ADAM9: variants seen among roughly 807,000 people sequenced by gnomAD.
ADAM9 encodes the protein disintegrin and metalloproteinase domain-containing protein 9.
Under a neutral mutation model 108.1 loss-of-function variants are expected in ADAM9, and 54 were observed. The ratio of observed to expected loss-of-function variants is 0.50; its 90% CI spans 0.40 to 0.63. ADAM9 has a LOEUF of 0.63. Ranked by LOEUF, ADAM9 falls within the 20% of genes least tolerant of loss-of-function variation. ADAM9 has a pLI of 0.00. For missense variants in ADAM9, 830 were observed against 997.7 expected, an observed-to-expected ratio of 0.83 and a Z score of 2.26; for synonymous variants, 316 against 336.0, an observed-to-expected ratio of 0.94 and a Z score of 0.65.
intron 11 of ADAM9, among the ~76,000 whole-genome samples, chr8:39,037,415 A>G: frequency 6.8e-6 from 1 of 146,532 alleles, no homozygotes. Flanking sequence ...ATATTTATGT[A>G]GTATATATAT....
rs571860350 is a variant in ADAM9, at chr8:39,093,084, C to A, written c.2298+1738C>A. Among the ~76,000 whole-genome samples, 35 of 152,184 alleles carry A rather than the reference C, an allele frequency of 2.3e-4. 1 individual carries two copies. The highest frequency in any genetic ancestry group is 5.0e-4 in the Non-Finnish European group (34 of 67,988). ...TTTGCTCAAGATTGGTTTAGTGATT[C>A]TGGGTCTTTTGTGGTTCCATATGAA... On this transcript the variant is annotated intron_variant, in intron 20 of 21. Coordinates refer to ENST00000487273, the MANE Select transcript of ADAM9 (RefSeq NM_003816.3).
intron 1 of ADAM9, among the ~76,000 whole-genome samples, chr8:38,999,169 C>G (rs1328897148): frequency 6.6e-6 from 1 of 152,094 alleles, no homozygotes; most frequent in Non-Finnish European, 1.5e-5. Context: ...AAAACGTGCA[C>G]TGAAACATTT....
chr8:39,105,093 TAC>T lies in ADAM9; in HGVS notation c.*1395_*1396del. 2.5e-6 allele frequency: 1 copy of T among 404,374 alleles called. No individual in the cohort carries two copies. The highest frequency in any genetic ancestry group is 4.7e-6 in the Non-Finnish European group (1 of 211,346). The allele number at this position is 404,374 out of a possible 1,614,324, so 25.0% of individuals were successfully genotyped here. A position where few individuals can be genotyped will look rare whatever the true frequency, so the allele number is the denominator to read the frequency against. On this transcript the variant is annotated 3_prime_UTR_variant, in exon 22 of 22. Transcript: ENST00000487273. Reference sequence around the variant, plus strand: ...TAGATAAAAATTCTAGTCAAATTTTTACAGATATTATCTCACTAATTTTCAGA... The same window carrying T: ...TAGATAAAAATTCTAGTCAAATTTTTAGATATTATCTCACTAATTTTCAGA...
intron 20 of ADAM9, among the ~76,000 whole-genome samples, chr8:39,096,334 T>A (rs1332625013): frequency 3.3e-5 from 5 of 151,908 alleles, no homozygotes; most frequent in East Asian, 1.9e-4. Context: ...GCATATTCTA[T>A]AGCACATATA....
At chr8:39,074,099 T>C (rs1169019853) in intron 15 of ADAM9, among the ~76,000 whole-genome samples, 1 of 152,206 alleles carries the variant, frequency 6.6e-6, no homozygotes, top group Non-Finnish European at 1.5e-5. Flanking sequence ...TCATCATCAC[T>C]ATTTTTGTTG....
chr8:39,025,810 G>A lies in ADAM9; in HGVS notation c.922G>A (p.Gly308Ser). 6.2e-7 allele frequency: 1 copy of A among 1,613,984 alleles called. No homozygotes were observed. Among genetic ancestry groups the A allele is most frequent in the Non-Finnish European group, 8.5e-7 (1 of 1,179,978 alleles). ...TTTTACATTTTCATTTAGAAAGAAA[G>A]GTTTTGGTGGAACTGCAGGAATGGC... ...HDSAQLVLKK[G>S]FGGTAGMAFV... The change falls in exon 10 of 22, where the codon GGT (glycine) becomes AGT (serine). Residue 308 changes from glycine (G) to serine (S), a missense_variant. Physicochemically the swap from Gly to Ser is moderately conservative, Grantham distance 56. This residue lies in a region of ADAM9 where 381 missense variants were observed against 539.8 expected (regional missense o/e 0.71). Transcript: ENST00000487273.
At chr8:38,999,011 T>C (rs1835916276) in intron 1 of ADAM9, among the ~76,000 whole-genome samples, 1 of 151,970 alleles carries the variant, frequency 6.6e-6, no homozygotes, top group African/African-American at 2.4e-5. Context: ...GGCAACACGG[T>C]GGAGGATAGA....
At chr8:39,095,782 C>A (rs888023651) in intron 20 of ADAM9, among the ~76,000 whole-genome samples, 5 of 152,092 alleles carry the variant, frequency 3.3e-5, no homozygotes, top group African/African-American at 4.8e-5. Context: ...TTAATATTCG[C>A]TTTATATATT....
At chr8:39,025,709 G>A in intron 9 of ADAM9, 94 bp from the exon 10 acceptor site, 2 of 1,207,240 alleles carry the variant, frequency 1.7e-6, no homozygotes, top group South Asian at 2.5e-5. Context: ...TGTTTTGTAG[G>A]TTCTCCCAAT....
In ADAM9 at chr8:39,055,029, G is replaced by A. The variant is rs553913361; in HGVS notation, c.1395+456G>A. On this transcript the variant is annotated intron_variant, in intron 13 of 21. Coordinates refer to ENST00000487273, the MANE Select transcript of ADAM9 (RefSeq NM_003816.3). ...CTGCTTTTTTCAATATGACACCATG[G>A]ACTTTTTTCCCATTCATGTAGTTCT... is the stretch of plus-strand genomic sequence containing the variant. Among the ~76,000 whole-genome samples, 3 of 152,076 alleles carry A rather than the reference G, an allele frequency of 2.0e-5. No individual in the cohort carries two copies. In the East Asian group the frequency reaches 5.8e-4, roughly 29 times the overall value.
At chr8:39,087,316 A>G (rs1039086094) in intron 18 of ADAM9, among the ~76,000 whole-genome samples, 4 of 151,938 alleles carry the variant, frequency 2.6e-5, no homozygotes, top group East Asian at 3.9e-4. Flanking sequence ...GTTGTTTCAT[A>G]TATTATGTCT....
In ADAM9 at chr8:39,101,922, C is replaced by A. The variant is rs753410333; in HGVS notation, c.2358C>A (p.Phe786Leu). Residue 786 changes from phenylalanine (F) to leucine (L), a missense_variant, in exon 21 of 22, where the codon TTC (phenylalanine) becomes TTA (leucine). Phe to Leu is a conservative substitution (Grantham distance 22). Coordinates refer to ENST00000487273, the MANE Select transcript of ADAM9 (RefSeq NM_003816.3). Reference protein sequence around the residue: ...PTYAAKQPQQFPSRPPPPQPK... With the variant: ...PTYAAKQPQQLPSRPPPPQPK... ...ATGCAGCCAAGCAACCTCAGCAGTT[C>A]CCATCAAGGTCAGAAGAAAATTTGC... 4.3e-6 allele frequency: 7 copies of A among 1,613,288 alleles called. No homozygotes were observed. Among genetic ancestry groups the A allele is most frequent in the Non-Finnish European group, 5.9e-6 (7 of 1,179,522 alleles).
rs115666061 is a variant in ADAM9, at chr8:39,024,111, C to T, written c.914+786C>T. 8.9e-3 allele frequency among the ~76,000 whole-genome samples: 1,362 copies of T among 152,194 alleles called. 15 individuals carry two copies. The highest frequency in any genetic ancestry group is 0.031 in the African/African-American group (1,284 of 41,526). On this transcript the variant is annotated intron_variant, in intron 9 of 21. Transcript: ENST00000487273. ...TGCTCTTTTGTCTTTTTTGTCCCAG[C>T]ATTACTATTGGGAAGTCTGAAACAT...
intron 1 of ADAM9, among the ~76,000 whole-genome samples, chr8:38,997,611 TGA>T (rs1251042111): frequency 6.6e-6 from 1 of 152,206 alleles, no homozygotes; most frequent in Non-Finnish European, 1.5e-5. Flanking sequence ...GGAAAGAGAC[TGA>T]GAGATGAAAC....
intron 7 of ADAM9, among the ~76,000 whole-genome samples, chr8:39,020,259 C>A (rs1185816511): frequency 2.6e-5 from 4 of 152,030 alleles, no homozygotes; most frequent in South Asian, 2.1e-4. Flanking sequence ...CTCAAAAAAA[C>A]AAAACAAAAC....
chr8:39,061,773 A>G (rs1330441280), intron 14 of ADAM9, among the ~76,000 whole-genome samples: 1 of 152,174 alleles, frequency 6.6e-6, no homozygotes, highest in Non-Finnish European at 1.5e-5. Flanking sequence ...CTTATCCCAG[A>G]GGGCAGAGCC....
intron 1 of ADAM9, among the ~76,000 whole-genome samples, chr8:39,004,560 T>C (rs1836100803): frequency 2.0e-5 from 3 of 152,202 alleles, no homozygotes; most frequent in Admixed American, 2.0e-4. Context: ...AGAGAATTTT[T>C]TTTTAAAAAG....
chr8:39,057,420 C>T (rs904766583), intron 14 of ADAM9, among the ~76,000 whole-genome samples: 2 of 150,442 alleles, frequency 1.3e-5, no homozygotes, highest in Non-Finnish European at 3.0e-5. Context: ...AATATATTCT[C>T]CTGGAGGAAT....
intron 14 of ADAM9, among the ~76,000 whole-genome samples, chr8:39,069,292 AAT>A (rs1439261192): frequency 3.9e-5 from 6 of 152,198 alleles, no homozygotes; most frequent in Admixed American, 2.0e-4. Context: ...AGGGAGGGAA[AAT>A]ACGTGCATGT....
Sources: allele counts gnomAD v4.1 joint callset (sites outside exome capture counted in the v4.1 genomes callset), GRCh38; gene constraint gnomAD v4.1.1; regional missense constraint gnomAD v4.1.1; transcripts MANE v1.5; gene names NCBI Gene and HGNC (gene_info 2026-07-23, HGNC 2026-07-21).